The following ABCC1 variants were observed in gnomAD, a reference collection of about 807,000 sequenced individuals.
The protein encoded by ABCC1 is ATP binding cassette subfamily C member 1 (ABCC1 blood group).
A neutral mutation model predicts 172.9 loss-of-function variants in ABCC1; 83 were observed. That is an observed-to-expected ratio of 0.48 (90% confidence interval 0.40 to 0.58). ABCC1 has a LOEUF of 0.58. ABCC1 is among the 20% of genes least tolerant of loss of function. ABCC1 has a pLI of 0.00. For synonymous variants in ABCC1, 937 were observed against 825.2 expected, an observed-to-expected ratio of 1.14 and a Z score of -2.32; for missense variants, 1,817 against 2,002.7, an observed-to-expected ratio of 0.91 and a Z score of 1.77.
intron 7 of ABCC1, among the ~76,000 whole-genome samples, chr16:16,040,009 G>A (rs535476448): frequency 2.0e-5 from 3 of 152,080 alleles, no homozygotes; most frequent in African/African-American, 4.8e-5. Flanking sequence ...GAACACAGGC[G>A]CAGGTTTTCT....
chr16:16,062,061 C>T (rs557327124), intron 12 of ABCC1, among the ~76,000 whole-genome samples: 1 of 152,310 alleles, frequency 6.6e-6, no homozygotes, highest in East Asian at 1.9e-4. Flanking sequence ...GTATGAGCCA[C>T]TGCACCTGGC....
rs904089029 is a variant in ABCC1, at chr16:16,083,526, C to T, written c.2276C>T (p.Thr759Ile). Residue 759 changes from threonine (T) to isoleucine (I), a missense_variant, in exon 17 of 31, where the codon ACA becomes ATA. By Grantham distance (89) the Thr-to-Ile change is moderately conservative. Coordinates refer to ENST00000399410, the MANE Select transcript of ABCC1 (RefSeq NM_004996.4). ...GAAATCCTGCCCAGTGGGGATCGGA[C>T]AGAGATTGGCGAGAAGGTCAGTATA... is the stretch of plus-strand genomic sequence containing the variant. Reference protein sequence around the residue: ...DLEILPSGDRTEIGEKGVNLS... With the variant: ...DLEILPSGDRIEIGEKGVNLS... 1 of 1,613,028 alleles carries T rather than the reference C, an allele frequency of 6.2e-7. No individual in the cohort carries two copies. Among genetic ancestry groups the T allele is most frequent in the African/African-American group, 1.3e-5 (1 of 74,912 alleles).
chr16:16,141,130 C>T, intron 30 of ABCC1, 43 bp from the exon 31 acceptor site: 2 of 1,567,030 alleles, frequency 1.3e-6, no homozygotes, highest in Non-Finnish European at 1.8e-6. Flanking sequence ...ACGAGGTGCT[C>T]ACCCCTCCCC....
chr16:15,958,906 C>T (rs2046066440), intron 1 of ABCC1, among the ~76,000 whole-genome samples: 1 of 152,142 alleles, frequency 6.6e-6, no homozygotes, highest in African/African-American at 2.4e-5. Flanking sequence ...TTCTGTGCAG[C>T]GTAGTCTTAG....
At chr16:16,060,005 T>G (rs1209304480) in intron 12 of ABCC1, among the ~76,000 whole-genome samples, 2 of 151,214 alleles carry the variant, frequency 1.3e-5, no homozygotes, top group Non-Finnish European at 2.9e-5. Flanking sequence ...TCAAAAAAAA[T>G]AAAAAAAATG....
At chr16:15,971,151 T>G (rs1013821213) in intron 1 of ABCC1, among the ~76,000 whole-genome samples, 1 of 152,130 alleles carries the variant, frequency 6.6e-6, no homozygotes, top group Non-Finnish European at 1.5e-5. Context: ...GCTAGGTATA[T>G]GTACAGAGGC....
intron 12 of ABCC1, among the ~76,000 whole-genome samples, chr16:16,063,167 C>T (rs2049983738): frequency 6.6e-6 from 1 of 152,156 alleles, no homozygotes; most frequent in Non-Finnish European, 1.5e-5. Flanking sequence ...AGTGCAGTGG[C>T]ACAATCACAG....
At chr16:16,099,027 A>G (rs1223762863) in intron 19 of ABCC1, 2 of 835,502 alleles carry the variant, frequency 2.4e-6, no homozygotes, top group Non-Finnish European at 3.6e-6. Context: ...CCGGTTGTTC[A>G]TTGGTTCATT....
rs1191631490 is a variant in ABCC1, at chr16:16,121,726, G to A, written c.3391-249G>A. Reference sequence around the variant, plus strand: ...TGAATGAACTGATGTTTGTAAAACTGCTTAGAACGATGCCTGGGGCTGTGG... The same window carrying A: ...TGAATGAACTGATGTTTGTAAAACTACTTAGAACGATGCCTGGGGCTGTGG... On this transcript the variant is annotated intron_variant, in intron 23 of 30. Transcript: ENST00000399410. Among the ~76,000 whole-genome samples, 9 of 152,172 alleles carry A rather than the reference G, an allele frequency of 5.9e-5. No homozygotes were observed. In the South Asian group the frequency reaches 1.9e-3, roughly 32 times the overall value.
chr16:16,054,871 A>G (rs2049583641), intron 11 of ABCC1, among the ~76,000 whole-genome samples: 3 of 152,232 alleles, frequency 2.0e-5, no homozygotes, highest in Admixed American at 2.0e-4. Flanking sequence ...GTATTTAACA[A>G]CTGCACTGCA....
chr16:16,059,196 A>G lies in ABCC1; in HGVS notation c.1677+2901A>G, dbSNP rs1050928663. On this transcript the variant is annotated intron_variant, in intron 12 of 30. Coordinates refer to ENST00000399410, the MANE Select transcript of ABCC1 (RefSeq NM_004996.4). ...GGTGCAGAATTTCAGGCCTCAGCCC[A>G]GATCCACTGAAACGGAATCTGAGTT... 5.3e-4 allele frequency among the ~76,000 whole-genome samples: 80 copies of G among 152,196 alleles called. 2 individuals carry two copies. The highest frequency in any genetic ancestry group is 2.4e-4 in the Non-Finnish European group (16 of 68,040).
intron 1 of ABCC1, among the ~76,000 whole-genome samples, chr16:15,993,752 G>C (rs527973279): frequency 2.0e-5 from 3 of 151,504 alleles, no homozygotes; most frequent in African/African-American, 7.3e-5. Flanking sequence ...GCTCACATGC[G>C]GGGGTGGGTG....
chr16:16,127,955 T>C (rs992015142), intron 26 of ABCC1, among the ~76,000 whole-genome samples: 9 of 151,756 alleles, frequency 5.9e-5, no homozygotes, highest in African/African-American at 2.2e-4. Context: ...TTTGGCTTTT[T>C]TTTTGCCCAG....
intron 12 of ABCC1, among the ~76,000 whole-genome samples, chr16:16,061,500 G>A (rs1281666937): frequency 6.6e-6 from 1 of 152,148 alleles, no homozygotes; most frequent in Non-Finnish European, 1.5e-5. Context: ...CAGGCATTGC[G>A]AAGTGTCCCC....
Position 16,102,781 on chromosome 16 carries a change from G to A in ABCC1, c.2735+64G>A. Reference sequence around the variant, plus strand: ...CCCTGCCAGTGGGAGGACAAGAGGAGGAACAAAAAAAGGCCTCAGCCCCCT... The same window carrying A: ...CCCTGCCAGTGGGAGGACAAGAGGAAGAACAAAAAAAGGCCTCAGCCCCCT... On this transcript the variant is annotated intron_variant, in intron 20 of 30. Transcript: ENST00000399410. 6.7e-6 allele frequency: 10 copies of A among 1,497,966 alleles called. No homozygotes were observed. The Admixed American group carries it at 8.7e-5, about 13-fold the overall frequency. 92.8% of individuals were successfully genotyped at this position (1,497,966 alleles called of 1,614,324 possible).
At chr16:16,114,316 T>TTC (rs752814541) in intron 22 of ABCC1, among the ~76,000 whole-genome samples, 25,943 of 151,914 alleles carry the variant, frequency 0.17, 2,725 homozygotes, top group East Asian at 0.4. Flanking sequence ...GAATAATAGC[T>TTC]GCCATTATCA....
chr16:16,119,644 T>C lies in ABCC1; in HGVS notation c.3391-2331T>C, dbSNP rs1399503830. Among the ~76,000 whole-genome samples, 4 of 152,246 alleles carry C rather than the reference T, an allele frequency of 2.6e-5. No homozygotes were observed. The East Asian group carries it at 7.7e-4, about 29-fold the overall frequency. ...AGGCAGAGGTTGCAATGAGCCAAGATTGTGCCACTGCACTCCAGCCAGGGT... is the reference window on the plus strand; with the variant it reads ...AGGCAGAGGTTGCAATGAGCCAAGACTGTGCCACTGCACTCCAGCCAGGGT... On this transcript the variant is annotated intron_variant, in intron 23 of 30. Transcript: ENST00000399410.
At chr16:16,132,029 C>G (rs2045696996) in intron 27 of ABCC1, 94 bp downstream of exon 27, 7 of 1,476,824 alleles carry the variant, frequency 4.7e-6, no homozygotes, top group East Asian at 2.3e-5. Context: ...TCCCCAGTCA[C>G]TCACGGCTCC....
chr16:15,997,984 A>T (rs371941), intron 1 of ABCC1, among the ~76,000 whole-genome samples: 126,881 of 149,964 alleles, frequency 0.85, 54,230 homozygotes, highest in Middle Eastern at 0.93. Context: ...TGGCTAATGT[A>T]TTTTTTTTTT....
Sources: allele counts gnomAD v4.1 joint callset (sites outside exome capture counted in the v4.1 genomes callset), GRCh38; gene constraint gnomAD v4.1.1; transcripts MANE v1.5; gene names NCBI Gene and HGNC (gene_info 2026-07-23, HGNC 2026-07-21).